Variants in PREX2 observed in about 807,000 individuals in gnomAD.
The protein encoded by PREX2 is phosphatidylinositol 3,4,5-trisphosphate-dependent Rac exchanger 2 protein.
In PREX2, 107 loss-of-function variants were observed where a neutral mutation model predicts 203.2. The ratio of observed to expected loss-of-function variants is 0.53; its 90% CI spans 0.45 to 0.62. PREX2 has a LOEUF of 0.62. Ranked by LOEUF, PREX2 falls within the 20% of genes least tolerant of loss-of-function variation. PREX2 has a pLI of 0.00. For missense variants in PREX2, 1,777 were observed against 1,955.9 expected (o/e 0.91, Z 1.72); for synonymous variants, 672 against 663.6 (o/e 1.01, Z -0.19).
intron 1 of PREX2, among the ~76,000 whole-genome samples, chr8:67,975,721 T>A (rs1166641392): frequency 8.2e-6 from 1 of 121,510 alleles, no homozygotes; most frequent in African/African-American, 3.0e-5. Flanking sequence ...TTTTTTTTTT[T>A]GAGATGGAGT....
At chr8:68,133,949 C>T (rs914465140) in intron 31 of PREX2, 110 bp from the exon 32 acceptor site, 19 of 812,256 alleles carry the variant, frequency 2.3e-5, no homozygotes, top group East Asian at 1.0e-4. Flanking sequence ...TTTTCACATG[C>T]GTGAGTTTAG....
chr8:68,213,591 G>C (rs1478813579), intron 37 of PREX2, among the ~76,000 whole-genome samples: 1 of 152,186 alleles, frequency 6.6e-6, no homozygotes, highest in Non-Finnish European at 1.5e-5. Context: ...CAAATTAAAT[G>C]GGACCCATTA....
In PREX2 at chr8:68,115,859, G is replaced by A. The variant is rs1409727717; in HGVS notation, c.3253G>A (p.Val1085Ile). Residue 1085 changes from valine to isoleucine, a missense_variant, in exon 26 of 40, where the codon GTA becomes ATA. By Grantham distance (29) the Val-to-Ile change is conservative (BLOSUM62 3). Coordinates refer to ENST00000288368, the MANE Select transcript of PREX2 (RefSeq NM_024870.4). Reference sequence around the variant, plus strand: ...GAAGGGAGAAAGAAACAGCAAACGGGTATGTTTTAATGTAGCAGGAGATGA... The same window carrying A: ...GAAGGGAGAAAGAAACAGCAAACGGATATGTTTTAATGTAGCAGGAGATGA... ...NEKGERNSKRVCFNVAGDEQE... is the reference protein window; with the variant it reads ...NEKGERNSKRICFNVAGDEQE... 1 of 1,613,936 alleles carries A rather than the reference G, an allele frequency of 6.2e-7. No individual in the cohort carries two copies. The highest frequency in any genetic ancestry group is 1.1e-5 in the South Asian group (1 of 91,076).
At chr8:67,974,864 A>T (rs905774344) in intron 1 of PREX2, among the ~76,000 whole-genome samples, 1 of 152,168 alleles carries the variant, frequency 6.6e-6, no homozygotes, top group African/African-American at 2.4e-5. Context: ...GATATAAACA[A>T]TTGGATATTA....
intron 31 of PREX2, among the ~76,000 whole-genome samples, chr8:68,130,578 CT>C (rs1810987952): frequency 6.6e-6 from 1 of 152,162 alleles, no homozygotes; most frequent in Admixed American, 6.5e-5. Context: ...GCTTTAAATA[CT>C]TTTTATCTCA....
intron 1 of PREX2, among the ~76,000 whole-genome samples, chr8:68,005,552 A>G (rs1193178678): frequency 6.6e-6 from 1 of 152,110 alleles, no homozygotes; most frequent in East Asian, 1.9e-4. Context: ...TGCCACACAC[A>G]GTCTCTCCTT....
chr8:68,210,609 C>A (rs1042071690), intron 37 of PREX2, among the ~76,000 whole-genome samples: 1 of 152,196 alleles, frequency 6.6e-6, no homozygotes, highest in South Asian at 2.1e-4. Context: ...AGGGGTGTTA[C>A]ATCTCCCCAA....
At chr8:68,059,163 A>G (rs1032659103) in intron 10 of PREX2, among the ~76,000 whole-genome samples, 5 of 152,246 alleles carry the variant, frequency 3.3e-5, no homozygotes, top group African/African-American at 1.2e-4. Flanking sequence ...AAAAAAGAAA[A>G]CTAGTCTACA....
chr8:68,144,787 C>G (rs950777118), intron 33 of PREX2, among the ~76,000 whole-genome samples: 17 of 152,100 alleles, frequency 1.1e-4, no homozygotes, highest in Admixed American at 1.1e-3. Context: ...TTAGTTTGAA[C>G]TTCACTTTAA....
At chr8:67,985,199 G>A (rs1008649648) in intron 1 of PREX2, among the ~76,000 whole-genome samples, 5 of 152,120 alleles carry the variant, frequency 3.3e-5, no homozygotes, top group East Asian at 3.9e-4. Context: ...CAATAGCATC[G>A]TGAATACTCA....
At chr8:68,173,765 A>G (rs2129614287) in intron 35 of PREX2, among the ~76,000 whole-genome samples, 1 of 152,306 alleles carries the variant, frequency 6.6e-6, no homozygotes, top group Admixed American at 6.5e-5. Flanking sequence ...AGATGAAATC[A>G]TCTTCAAAAA....
chr8:68,231,446 C>T lies in PREX2; in HGVS notation c.*68C>T. On this transcript the variant is annotated 3_prime_UTR_variant, in exon 40 of 40. Transcript: ENST00000288368. The stretch of plus-strand genomic sequence containing the variant: ...CTGGACTAGACAAACTACATGCTGG[C>T]TAAACATTCTCCACTGAAGATACAT... 1 of 1,206,148 alleles carries T rather than the reference C, an allele frequency of 8.3e-7. No individual in the cohort carries two copies. Among genetic ancestry groups the T allele is most frequent in the Non-Finnish European group, 1.2e-6 (1 of 868,764 alleles). The allele number at this position is 1,206,148 out of a possible 1,614,324, so 74.7% of individuals were successfully genotyped here. A position where few individuals can be genotyped will look rare whatever the true frequency, so the allele number is the denominator to read the frequency against.
intron 1 of PREX2, among the ~76,000 whole-genome samples, chr8:67,976,206 G>A (rs1462794768): frequency 6.6e-6 from 1 of 152,134 alleles, no homozygotes; most frequent in Non-Finnish European, 1.5e-5. Context: ...TGTCTCCCAA[G>A]ACTAGGTCTT....
chr8:68,122,744 C>T (rs567031429), intron 30 of PREX2, among the ~76,000 whole-genome samples: 9 of 152,062 alleles, frequency 5.9e-5, no homozygotes, highest in South Asian at 2.1e-4. Flanking sequence ...TTGGCTTCTG[C>T]GTTAATTTTA....
At chr8:68,214,034 A>G (rs1287343332) in intron 37 of PREX2, among the ~76,000 whole-genome samples, 1 of 152,188 alleles carries the variant, frequency 6.6e-6, no homozygotes, top group Non-Finnish European at 1.5e-5. Context: ...GTAAAAATAC[A>G]GATTTATTCA....
At chr8:68,172,673 A>T (rs186228228) in intron 35 of PREX2, among the ~76,000 whole-genome samples, 4 of 152,254 alleles carry the variant, frequency 2.6e-5, no homozygotes, top group Admixed American at 2.0e-4. Context: ...TTAAGGTTAT[A>T]GTATTTGGGG....
At chr8:68,076,398 G>A (rs1181045599) in intron 14 of PREX2, among the ~76,000 whole-genome samples, 11 of 151,998 alleles carry the variant, frequency 7.2e-5, no homozygotes, top group African/African-American at 2.2e-4. Flanking sequence ...CGGACGTTGC[G>A]GTGAGCTGAG....
chr8:68,170,379 C>T (rs1811851628), intron 35 of PREX2, among the ~76,000 whole-genome samples: 1 of 152,228 alleles, frequency 6.6e-6, no homozygotes, highest in Admixed American at 6.5e-5. Context: ...AAAGTTTGCA[C>T]AAGGCAGTAG....
intron 31 of PREX2, among the ~76,000 whole-genome samples, chr8:68,131,339 G>T (rs1037711092): frequency 1.3e-5 from 2 of 152,190 alleles, no homozygotes; most frequent in Non-Finnish European, 2.9e-5. Context: ...TGTACATTTT[G>T]AATCTGTGCG....
Sources: gnomAD v4.1 joint callset for allele counts (sites outside exome capture counted in the v4.1 genomes callset) on GRCh38, gnomAD v4.1.1 for gene constraint, MANE v1.5 for transcripts, NCBI Gene and HGNC (gene_info 2026-07-23, HGNC 2026-07-21) for gene names.